OR8D1: variants seen among roughly 807,000 people sequenced by gnomAD.
OR8D1 encodes olfactory receptor 8D1.
For missense variants in OR8D1, 384 were observed against 366.8 expected, an observed-to-expected ratio of 1.05 and a Z score of -0.38; for synonymous variants, 143 against 147.0, an observed-to-expected ratio of 0.97 and a Z score of 0.20.
intron 2 of OR8D1, 98 bp from the exon 3 acceptor site, chr11:124,310,880 A>G: frequency 1.4e-6 from 1 of 702,588 alleles, no homozygotes; most frequent in Non-Finnish European, 2.3e-6. Context: ...CAGCTAACAG[A>G]CTGAGTCATA....
In OR8D1 at chr11:124,305,741, C is replaced by T. The variant is rs1199717448; in HGVS notation, c.*4099G>A. On this transcript the variant is annotated 3_prime_UTR_variant, in exon 3 of 3. Transcript: ENST00000641015. Reference sequence around the variant, plus strand: ...AAACTGATTGGAGTAGAAGATAAAGCCCTTTGAATCCCCTGTATTCAACAC... The same window carrying T: ...AAACTGATTGGAGTAGAAGATAAAGTCCTTTGAATCCCCTGTATTCAACAC... 2 of 151,726 alleles carry T rather than the reference C, an allele frequency of 1.3e-5. No homozygotes were observed. Among genetic ancestry groups the T allele is most frequent in the African/African-American group, 2.4e-5 (1 of 41,364 alleles). The allele number at this position is 151,726 out of a possible 1,614,324, so 9.4% of individuals were successfully genotyped here.
chr11:124,310,647 C>T lies in OR8D1; in HGVS notation c.120G>A (p.Val40=), dbSNP rs769440715. Residue 40 remains valine, a synonymous_variant, in exon 3 of 3, where the codon GTG becomes GTA. Coordinates refer to ENST00000641015, the MANE Select transcript of OR8D1 (RefSeq NM_001002917.2). ...TCAGGAGAATCATGCCCAGGTTGCC[C>T]ACTACTGTGACCACATAGATTCCCA... ...LFLGIYVVTV[V]GNLGMILLIA... is the part of the protein sequence containing the mutation. 1 of 1,613,880 alleles carries T rather than the reference C, an allele frequency of 6.2e-7. No homozygotes were observed. Among genetic ancestry groups the T allele is most frequent in the Non-Finnish European group, 8.5e-7 (1 of 1,179,884 alleles).
rs190022554 is a variant in OR8D1 at position 124,303,870 on chromosome 11, A to C, written c.*5970T>G. The stretch of plus-strand genomic sequence containing the variant: ...CTATCAAGATAAAGAGTAGTGGTGC[A>C]AAATATGGGTTATGGGGCAAATCCA... On this transcript the variant is annotated 3_prime_UTR_variant, in exon 3 of 3. Coordinates refer to ENST00000641015, the MANE Select transcript of OR8D1 (RefSeq NM_001002917.2). The C allele has an allele frequency of 1.6e-4, 25 of 152,154 alleles. No homozygotes were observed. The highest frequency in any genetic ancestry group is 6.0e-4 in the African/African-American group (25 of 41,556). The allele number at this position is 152,154 out of a possible 1,614,324, so 9.4% of individuals were successfully genotyped here. A position where few individuals can be genotyped will look rare whatever the true frequency, so the allele number is the denominator to read the frequency against.
chr11:124,311,254 G>A (rs774869514), intron 2 of OR8D1, among the ~76,000 whole-genome samples: 1 of 152,120 alleles, frequency 6.6e-6, no homozygotes, highest in Non-Finnish European at 1.5e-5. Flanking sequence ...CTGGAGTGAT[G>A]GTGGGCATGG....
At chr11:124,313,080 A>G (rs2137794500) in intron 1 of OR8D1, among the ~76,000 whole-genome samples, 1 of 151,890 alleles carries the variant, frequency 6.6e-6, no homozygotes, top group East Asian at 2.0e-4. Context: ...AGCCTGAGGC[A>G]GGAGAATCGC....
Position 124,310,782 on chromosome 11 carries a change from T to G in OR8D1, c.-16A>C. On this transcript the variant is annotated splice_region_variant and 5_prime_UTR_variant, in exon 3 of 3. Coordinates refer to ENST00000641015, the MANE Select transcript of OR8D1 (RefSeq NM_001002917.2). The stretch of plus-strand genomic sequence containing the variant: ...CCATGGTCATTCTTCTTTAGGCATT[T>G]CTGTGAAAATAGAAAGTATGAATTA... 6.3e-7 allele frequency: 1 copy of G among 1,587,710 alleles called. No homozygotes were observed. The highest frequency in any genetic ancestry group is 8.6e-7 in the Non-Finnish European group (1 of 1,164,272).
At position 124,309,376 on chromosome 11, in the gene OR8D1, C is replaced by A. The variant is rs1478334572; in HGVS notation, c.*464G>T. On this transcript the variant is annotated 3_prime_UTR_variant, in exon 3 of 3. Coordinates refer to ENST00000641015, the MANE Select transcript of OR8D1 (RefSeq NM_001002917.2). ...CTTTTCTATTCTTTCCTTTTCTTTT[C>A]TTTTTTCTTTTCTTTTCTGTTCTTT... 3.3e-5 allele frequency: 5 copies of A among 151,474 alleles called. No individual in the cohort carries two copies. The highest frequency in any genetic ancestry group is 1.2e-4 in the African/African-American group (5 of 41,264). The allele number at this position is 151,474 out of a possible 1,614,324, so 9.4% of individuals were successfully genotyped here. A position where few individuals can be genotyped will look rare whatever the true frequency, so the allele number is the denominator to read the frequency against.
chr11:124,313,118 G>A (rs1357755186), intron 1 of OR8D1, among the ~76,000 whole-genome samples: 1 of 151,564 alleles, frequency 6.6e-6, no homozygotes, highest in East Asian at 2.0e-4. Context: ...AGGTTGCAAT[G>A]AGCCAAGATC....
rs1862338113 is a variant in OR8D1 at position 124,303,093 on chromosome 11, A to G, written c.*6747T>C. 1 of 152,278 alleles carries G rather than the reference A, an allele frequency of 6.6e-6. No individual in the cohort carries two copies. Among genetic ancestry groups the G allele is most frequent in the Admixed American group, 6.6e-5 (1 of 15,228 alleles). The allele number at this position is 152,278 out of a possible 1,614,324, so 9.4% of individuals were successfully genotyped here. ...GCTGGAGACTAGGTTATTCATAAAGAAGAGAGGTTTAATTGACTCACAGTT... is the reference window on the plus strand; with the variant it reads ...GCTGGAGACTAGGTTATTCATAAAGGAGAGAGGTTTAATTGACTCACAGTT... On this transcript the variant is annotated 3_prime_UTR_variant, in exon 3 of 3. Coordinates refer to ENST00000641015, the MANE Select transcript of OR8D1 (RefSeq NM_001002917.2).
chr11:124,311,646 C>T lies in OR8D1; in HGVS notation c.-91G>A, dbSNP rs1431255029. ...GCTATGGGTGTAAATCTTGAACTTT[C>T]CAAAGCGTGGTACCCTTGGTGGTTT... is the stretch of plus-strand genomic sequence containing the variant. On this transcript the variant is annotated 5_prime_UTR_variant, in exon 2 of 3. Transcript: ENST00000641015. 2.0e-5 allele frequency: 3 copies of T among 152,160 alleles called. No homozygotes were observed. The highest frequency in any genetic ancestry group is 7.2e-5 in the African/African-American group (3 of 41,404). 9.4% of individuals were successfully genotyped at this position (152,160 alleles called of 1,614,324 possible).
rs898488818 is a variant in OR8D1, at chr11:124,307,258, A to G, written c.*2582T>C. On this transcript the variant is annotated 3_prime_UTR_variant, in exon 3 of 3. Coordinates refer to ENST00000641015, the MANE Select transcript of OR8D1 (RefSeq NM_001002917.2). ...GAGGATTTTGACCTCAGGAGCATGC[A>G]GTGACATTTATTTTGCAATATTTTA... 6.6e-6 allele frequency: 1 copy of G among 152,102 alleles called. No homozygotes were observed. Among genetic ancestry groups the G allele is most frequent in the East Asian group, 1.9e-4 (1 of 5,192 alleles). 9.4% of individuals were successfully genotyped at this position (152,102 alleles called of 1,614,324 possible). A position where few individuals can be genotyped will look rare whatever the true frequency, so the allele number is the denominator to read the frequency against.
rs567611983 is a variant in OR8D1, at chr11:124,313,839, T to C, written c.-240A>G. 6.6e-6 allele frequency: 1 copy of C among 152,218 alleles called. No individual in the cohort carries two copies. The highest frequency in any genetic ancestry group is 1.5e-5 in the Non-Finnish European group (1 of 68,054). 9.4% of individuals were successfully genotyped at this position (152,218 alleles called of 1,614,324 possible). On this transcript the variant is annotated 5_prime_UTR_variant, in exon 1 of 3. Coordinates refer to ENST00000641015, the MANE Select transcript of OR8D1 (RefSeq NM_001002917.2). Reference sequence around the variant, plus strand: ...CCACTACCTTATACACACATTTATATGCCAAGGGCTGAATTATTTGGTTGG... The same window carrying C: ...CCACTACCTTATACACACATTTATACGCCAAGGGCTGAATTATTTGGTTGG...
chr11:124,313,349 GAAAA>G (rs1862440201), intron 1 of OR8D1, among the ~76,000 whole-genome samples: 1 of 151,692 alleles, frequency 6.6e-6, no homozygotes, highest in Non-Finnish European at 1.5e-5. Context: ...AAAGAGGAAA[GAAAA>G]AGAAAAAAAG....
At position 124,304,736 on chromosome 11, in the gene OR8D1, T is replaced by G. The variant is rs1862353374; in HGVS notation, c.*5104A>C. 1 of 151,970 alleles carries G rather than the reference T, an allele frequency of 6.6e-6. No homozygotes were observed. Among genetic ancestry groups the G allele is most frequent in the Non-Finnish European group, 1.5e-5 (1 of 67,932 alleles). 9.4% of individuals were successfully genotyped at this position (151,970 alleles called of 1,614,324 possible). ...CCTAGTATACAGTTCATATAAAGTTTCTTTTACTCATTTTTTTAATAATTG... is the reference window on the plus strand; with the variant it reads ...CCTAGTATACAGTTCATATAAAGTTGCTTTTACTCATTTTTTTAATAATTG... On this transcript the variant is annotated 3_prime_UTR_variant, in exon 3 of 3. Coordinates refer to ENST00000641015, the MANE Select transcript of OR8D1 (RefSeq NM_001002917.2).
Position 124,313,756 on chromosome 11 carries a change from TG to T in OR8D1, c.-158del, listed in dbSNP as rs1241882148. On this transcript the variant is annotated 5_prime_UTR_variant, in exon 1 of 3. Transcript: ENST00000641015. ...CACAGAAACAGAATTTCTTAGGAAT[TG>T]TTCACTTTGCTCAGGTCGCAGATCC... 5 of 152,334 alleles carry T rather than the reference TG, an allele frequency of 3.3e-5. No homozygotes were observed. In the East Asian group the frequency reaches 9.6e-4, roughly 29 times the overall value. 9.4% of individuals were successfully genotyped at this position (152,334 alleles called of 1,614,324 possible).
rs1862412041 is a variant in OR8D1 at position 124,310,538 on chromosome 11, T to C, written c.229A>G (p.Ile77Val). The C allele has an allele frequency of 1.2e-6, 2 of 1,613,648 alleles. No homozygotes were observed. Among genetic ancestry groups the C allele is most frequent in the African/African-American group, 1.3e-5 (1 of 74,986 alleles). Residue 77 changes from isoleucine to valine, a missense_variant, in exon 3 of 3, where the codon ATT becomes GTT. Ile to Val is a conservative substitution (Grantham distance 29). Coordinates refer to ENST00000641015, the MANE Select transcript of OR8D1 (RefSeq NM_001002917.2). ...AAGTTCACCAGCATTTTGGGAGTAA[T>C]GACAGAGGAATAGCAGAAATCGACG... is the stretch of plus-strand genomic sequence containing the variant. Reference protein sequence around the residue: ...SFVDFCYSSVITPKMLVNFLG... With the variant: ...SFVDFCYSSVVTPKMLVNFLG...
intron 1 of OR8D1, among the ~76,000 whole-genome samples, chr11:124,313,420 C>T (rs757502613): frequency 1.3e-5 from 2 of 152,056 alleles, no homozygotes; most frequent in African/African-American, 4.8e-5. Flanking sequence ...CTAATAAATA[C>T]GTAAGCCAGA....
At position 124,310,569 on chromosome 11, in the gene OR8D1, C is replaced by T; in HGVS notation, c.198G>A (p.Leu66=). The change falls in exon 3 of 3, where the codon TTG becomes TTA. Residue 66 remains leucine, a synonymous_variant. Coordinates refer to ENST00000641015, the MANE Select transcript of OR8D1 (RefSeq NM_001002917.2). Reference sequence around the variant, plus strand: ...AGGAATAGCAGAAATCGACGAAGGACAAGCTGCTGAGGAAATAGTACATGG... The same window carrying T: ...AGGAATAGCAGAAATCGACGAAGGATAAGCTGCTGAGGAAATAGTACATGG... ...HTPMYYFLSS[L]SFVDFCYSSV... The T allele has an allele frequency of 1.2e-6, 2 of 1,613,796 alleles. No homozygotes were observed. Among genetic ancestry groups the T allele is most frequent in the South Asian group, 1.1e-5 (1 of 91,060 alleles).
Position 124,313,201 on chromosome 11 carries a change from GAAAGAAAGAAAGA to G in OR8D1, c.-122+507_-122+519del, listed in dbSNP as rs1188422974. Among the ~76,000 whole-genome samples, 1,116 of 137,514 alleles carry G rather than the reference GAAAGAAAGAAAGA, an allele frequency of 8.1e-3. 13 individuals are homozygous for G. The highest frequency in any genetic ancestry group is 0.03 in the African/African-American group (1,048 of 34,500). 90.2% of individuals were successfully genotyped at this position (137,514 alleles called of 152,430 possible). A position where few individuals can be genotyped will look rare whatever the true frequency, so the allele number is the denominator to read the frequency against. ...AAGGAAAGAAAAAGAAGGAAGGAAA[GAAAGAAAGAAAGA>G]AAAGAAAGAAGGAAAGAAAGAAGGA... On this transcript the variant is annotated intron_variant, in intron 1 of 2. Coordinates refer to ENST00000641015, the MANE Select transcript of OR8D1 (RefSeq NM_001002917.2).
Sources: allele counts gnomAD v4.1 joint callset (sites outside exome capture counted in the v4.1 genomes callset), GRCh38; gene constraint gnomAD v4.1.1; transcripts MANE v1.5; gene names NCBI Gene and HGNC (gene_info 2026-07-23, HGNC 2026-07-21).